Variants in NALCN observed in about 807,000 individuals in gnomAD.
NALCN encodes sodium leak channel NALCN.
Under a neutral mutation model 225.3 loss-of-function variants are expected in NALCN, and 111 were observed. The ratio of observed to expected loss-of-function variants is 0.49; its 90% CI spans 0.42 to 0.58. The LOEUF is 0.58. NALCN is among the 20% of genes least tolerant of loss of function. The pLI, the probability that NALCN is intolerant of heterozygous loss-of-function variation, is 0.00. For synonymous variants in NALCN, 764 were observed against 769.0 expected, an observed-to-expected ratio of 0.99 and a Z score of 0.11; for missense variants, 1,378 against 2,202.4, an observed-to-expected ratio of 0.63 and a Z score of 7.49.
intron 13 of NALCN, among the ~76,000 whole-genome samples, chr13:101,223,130 T>C (rs2140114043): frequency 6.6e-6 from 1 of 152,264 alleles, no homozygotes; most frequent in East Asian, 1.9e-4. Flanking sequence ...AACAACTCTT[T>C]TACGGGACAT....
chr13:101,343,050 C>T (rs931698270), intron 7 of NALCN, among the ~76,000 whole-genome samples: 12 of 152,004 alleles, frequency 7.9e-5, no homozygotes, highest in African/African-American at 2.9e-4. Flanking sequence ...CATAATTAGG[C>T]ACCTAATTAT....
intron 15 of NALCN, among the ~76,000 whole-genome samples, chr13:101,170,298 T>C (rs1326373805): frequency 6.6e-6 from 1 of 152,186 alleles, no homozygotes; most frequent in Non-Finnish European, 1.5e-5. Flanking sequence ...GAAGGTTGTT[T>C]ACATGGTGCA....
chr13:101,060,098 G>T, intron 41 of NALCN, 131 bp from the exon 42 acceptor site: 3 of 1,038,118 alleles, frequency 2.9e-6, no homozygotes, highest in South Asian at 1.6e-5. Context: ...GAATTTCCAA[G>T]TAAGGATCCT....
chr13:101,311,840 GC>G (rs2044358769), intron 7 of NALCN, among the ~76,000 whole-genome samples: 1 of 151,006 alleles, frequency 6.6e-6, no homozygotes, highest in Admixed American at 6.6e-5. Flanking sequence ...TTGTGTCTCT[GC>G]CCGGCTTTGG....
chr13:101,342,433 C>G (rs1225027186), intron 7 of NALCN, among the ~76,000 whole-genome samples: 2 of 152,208 alleles, frequency 1.3e-5, no homozygotes, highest in African/African-American at 4.8e-5. Flanking sequence ...CTCTATCTCC[C>G]CACCAACTGC....
At chr13:101,065,300 A>C in intron 40 of NALCN, 104 bp downstream of exon 40, 1 of 1,268,728 alleles carries the variant, frequency 7.9e-7, no homozygotes, top group Non-Finnish European at 1.1e-6. Context: ...CAGATGTGGC[A>C]TTTTGGGTTG....
At chr13:101,167,858 C>A (rs2038527053) in intron 15 of NALCN, among the ~76,000 whole-genome samples, 2 of 143,420 alleles carry the variant, frequency 1.4e-5, no homozygotes. Context: ...AAAACAAAAA[C>A]TGTTAAGTCG....
chr13:101,109,613 C>T (rs1419473777), intron 20 of NALCN, among the ~76,000 whole-genome samples: 1 of 152,232 alleles, frequency 6.6e-6, no homozygotes, highest in Admixed American at 6.5e-5. Context: ...TTCAAGATTA[C>T]TTTTTAAGCC....
At chr13:101,262,255 A>G (rs942565296) in intron 10 of NALCN, among the ~76,000 whole-genome samples, 3 of 152,162 alleles carry the variant, frequency 2.0e-5, no homozygotes, top group African/African-American at 7.2e-5. Context: ...TTTAATATCC[A>G]CCATAGCTCT....
At chr13:101,166,248 T>C (rs2038432853) in intron 15 of NALCN, among the ~76,000 whole-genome samples, 1 of 152,246 alleles carries the variant, frequency 6.6e-6, no homozygotes, top group South Asian at 2.1e-4. Flanking sequence ...TTTCATTTCT[T>C]TTGGATATAC....
chr13:101,390,218 T>A lies in NALCN; in HGVS notation c.291+4965A>T, dbSNP rs549099608. On this transcript the variant is annotated intron_variant, in intron 3 of 43. Transcript: ENST00000251127. ...TAAACAAATAGAAGCTCCAAAAGAA[T>A]CACAAAACTAGAAATAAGAAAACAC... 6.0e-5 allele frequency among the ~76,000 whole-genome samples: 9 copies of A among 150,560 alleles called. No individual in the cohort carries two copies. The South Asian group carries it at 1.5e-3, about 25-fold the overall frequency.
intron 7 of NALCN, among the ~76,000 whole-genome samples, chr13:101,334,184 GCA>G (rs58928750): frequency 0.18 from 27,557 of 151,034 alleles, 2,763 homozygotes; most frequent in East Asian, 0.38. Flanking sequence ...ACGCACGTGT[GCA>G]CACACACACA....
At chr13:101,169,996 G>A (rs771604763) in intron 15 of NALCN, among the ~76,000 whole-genome samples, 1 of 152,188 alleles carries the variant, frequency 6.6e-6, no homozygotes, top group Admixed American at 6.5e-5. Flanking sequence ...GTGCTCAGCC[G>A]AATGGCATCT....
rs2037173952 is a variant in NALCN at position 101,143,109 on chromosome 13, T to C, written c.2089A>G (p.Ile697Val). ...SSCDHSKRSA[I>V]EDNKYIDQKL... ...TGGTCGATGTATTTGTTGTCCTCAA[T>C]TGCTGAGCGTTTGGAGTGGTCGCAG... Residue 697 changes from isoleucine to valine, a missense_variant, in exon 17 of 44, where the codon ATT becomes GTT. Around this residue, in one of 19 missense-constraint regions of NALCN, gnomAD observed 100 missense variants for 89.4 expected, o/e 1.12. Transcript: ENST00000251127. The C allele has an allele frequency of 6.2e-7, 1 of 1,614,192 alleles. No homozygotes were observed. The highest frequency in any genetic ancestry group is 8.5e-7 in the Non-Finnish European group (1 of 1,180,020).
At chr13:101,229,243 G>A in intron 13 of NALCN, 150 bp downstream of exon 13, 1 of 737,084 alleles carries the variant, frequency 1.4e-6, no homozygotes, top group South Asian at 2.6e-5. Context: ...CTGCAGAAGA[G>A]ACAATTTTAA....
chr13:101,074,297 T>A (rs928751074), intron 36 of NALCN, among the ~76,000 whole-genome samples: 1 of 152,192 alleles, frequency 6.6e-6, no homozygotes, highest in African/African-American at 2.4e-5. Context: ...TTATTTCTAA[T>A]TTTTCTAAGG....
intron 36 of NALCN, 82 bp downstream of exon 36, chr13:101,074,432 G>C: frequency 7.6e-7 from 1 of 1,314,520 alleles, no homozygotes; most frequent in Admixed American, 2.8e-5. Context: ...GACTTTAATA[G>C]ACAAAAAACA....
At chr13:101,128,114 A>G (rs2036330171) in intron 17 of NALCN, among the ~76,000 whole-genome samples, 1 of 152,240 alleles carries the variant, frequency 6.6e-6, no homozygotes. Context: ...AGATGTGGGA[A>G]TAAAAAGGAA....
At chr13:101,140,806 C>G (rs1234925220) in intron 17 of NALCN, among the ~76,000 whole-genome samples, 1 of 152,162 alleles carries the variant, frequency 6.6e-6, no homozygotes, top group Non-Finnish European at 1.5e-5. Context: ...TGCCTATAGT[C>G]CCGGCTACTC....
Sources: allele counts gnomAD v4.1 joint callset (sites outside exome capture counted in the v4.1 genomes callset), GRCh38; gene constraint gnomAD v4.1.1; regional missense constraint gnomAD v4.1.1; transcripts MANE v1.5; gene names NCBI Gene and HGNC (gene_info 2026-07-23, HGNC 2026-07-21).